The following SMYD3 variants were observed in gnomAD, a reference collection of about 807,000 sequenced individuals.
SMYD3 encodes SET and MYND domain containing 3, also known as histone-lysine N-methyltransferase SMYD3.
In SMYD3, 36 loss-of-function variants were observed where a neutral mutation model predicts 57.7. That is an observed-to-expected ratio of 0.62 (90% confidence interval 0.48 to 0.82). The LOEUF is 0.82. Among genes scored for constraint, SMYD3 ranks in the 40% least tolerant of loss-of-function variants. SMYD3 has a pLI of 0.00. For synonymous variants in SMYD3, 211 were observed against 195.0 expected (o/e 1.08, Z -0.68); for missense variants, 515 against 538.8 (o/e 0.96, Z 0.44).
intron 5 of SMYD3, among the ~76,000 whole-genome samples, chr1:246,017,831 C>T (rs1168963503): frequency 6.6e-6 from 1 of 152,124 alleles, no homozygotes; most frequent in Non-Finnish European, 1.5e-5. Flanking sequence ...CTATTTTATT[C>T]AGTGAGTTAT....
intron 10 of SMYD3, among the ~76,000 whole-genome samples, chr1:245,825,377 C>G (rs528582992): frequency 1.8e-4 from 27 of 152,202 alleles, no homozygotes; most frequent in Non-Finnish European, 3.2e-4. Context: ...CTAGAGGAAA[C>G]TACTACGGGG....
At chr1:246,176,224 C>A (rs1283216715) in intron 5 of SMYD3, among the ~76,000 whole-genome samples, 2 of 152,064 alleles carry the variant, frequency 1.3e-5, no homozygotes, top group Non-Finnish European at 2.9e-5. Context: ...ACTGTGGAGT[C>A]CCAAAATCAG....
At chr1:245,983,998 CTT>C (rs534310953) in intron 5 of SMYD3, among the ~76,000 whole-genome samples, 55 of 134,360 alleles carry the variant, frequency 4.1e-4, no homozygotes, top group Admixed American at 3.8e-4. Context: ...CAAGTCTACT[CTT>C]TTTTTTTTTT....
chr1:246,036,428 TA>T (rs1194943496), intron 5 of SMYD3, among the ~76,000 whole-genome samples: 1 of 152,214 alleles, frequency 6.6e-6, no homozygotes, highest in Non-Finnish European at 1.5e-5. Context: ...CTTGGGATGT[TA>T]TTTTATACAT....
chr1:246,215,557 G>C (rs2063151559), intron 5 of SMYD3, among the ~76,000 whole-genome samples: 1 of 152,100 alleles, frequency 6.6e-6, no homozygotes, highest in Non-Finnish European at 1.5e-5. Flanking sequence ...GTAACATTAA[G>C]TTAGCTTTGC....
At position 246,141,645 on chromosome 1, in the gene SMYD3, A is replaced by G. The variant is rs111623504; in HGVS notation, c.531+185556T>C. On this transcript the variant is annotated intron_variant, in intron 5 of 11. Transcript: ENST00000490107. ...ACCACAGCCCCCCTGAATGTACTCA[A>G]AATTCTGCAGTAAATGACTAACATG... Among the ~76,000 whole-genome samples, 915 of 152,312 alleles carry G rather than the reference A, an allele frequency of 6.0e-3. 13 individuals are homozygous for G. Among genetic ancestry groups the G allele is most frequent in the African/African-American group, 0.021 (874 of 41,572 alleles).
intron 5 of SMYD3, among the ~76,000 whole-genome samples, chr1:245,965,138 T>A (rs1323668761): frequency 1.3e-5 from 2 of 152,222 alleles, no homozygotes; most frequent in Non-Finnish European, 2.9e-5. Flanking sequence ...TGTTTTCTTA[T>A]TCTTAATTGA....
intron 5 of SMYD3, among the ~76,000 whole-genome samples, chr1:246,303,208 C>G (rs2064922982): frequency 6.6e-6 from 1 of 152,154 alleles, no homozygotes; most frequent in African/African-American, 2.4e-5. Flanking sequence ...ATAATAGTGC[C>G]TGCTTCACAG....
intron 1 of SMYD3, among the ~76,000 whole-genome samples, chr1:246,425,337 C>G (rs2067203134): frequency 2.0e-5 from 3 of 152,200 alleles, no homozygotes; most frequent in African/African-American, 7.2e-5. Flanking sequence ...ACCTAGATAA[C>G]AAAGACCACA....
chr1:246,279,445 C>T (rs529710067), intron 5 of SMYD3, among the ~76,000 whole-genome samples: 21 of 152,162 alleles, frequency 1.4e-4, no homozygotes, highest in Admixed American at 5.9e-4. Flanking sequence ...CACTTGAACC[C>T]GGGAGGCGGA....
intron 10 of SMYD3, among the ~76,000 whole-genome samples, chr1:245,835,431 T>C (rs972720847): frequency 2.0e-5 from 3 of 152,198 alleles, no homozygotes; most frequent in Middle Eastern, 3.2e-3. Flanking sequence ...GAGGCAGGTT[T>C]CTTAATTTCT....
At chr1:246,166,448 T>C (rs2062213869) in intron 5 of SMYD3, among the ~76,000 whole-genome samples, 1 of 152,208 alleles carries the variant, frequency 6.6e-6, no homozygotes, top group Admixed American at 6.5e-5. Context: ...CCCTACTCAC[T>C]GTGTGAAAAA....
intron 1 of SMYD3, among the ~76,000 whole-genome samples, chr1:246,394,781 C>G (rs572027915): frequency 6.6e-6 from 1 of 151,688 alleles, no homozygotes; most frequent in Non-Finnish European, 1.5e-5. Flanking sequence ...ATTTGAGAGG[C>G]TCCTGAATTC....
At chr1:246,216,343 A>G (rs896779626) in intron 5 of SMYD3, among the ~76,000 whole-genome samples, 1 of 152,010 alleles carries the variant, frequency 6.6e-6, no homozygotes, top group African/African-American at 2.4e-5. Context: ...AATAAAATAC[A>G]TCTCCATATT....
rs148453549 is a variant in SMYD3 at position 245,958,605 on chromosome 1, A to C, written c.532-28668T>G. Reference sequence around the variant, plus strand: ...GTTCTCCTCCTCCGTAGCAAAGTACATACCCCTAACAATACCACTTACCCC... The same window carrying C: ...GTTCTCCTCCTCCGTAGCAAAGTACCTACCCCTAACAATACCACTTACCCC... On this transcript the variant is annotated intron_variant, in intron 5 of 11. Coordinates refer to ENST00000490107, the MANE Select transcript of SMYD3 (RefSeq NM_001167740.2). Among the ~76,000 whole-genome samples the C allele has an allele frequency of 3.0e-4, 46 of 152,298 alleles. No individual in the cohort carries two copies. In the East Asian group the frequency reaches 5.6e-3, roughly 19 times the overall value.
chr1:245,855,018 T>G (rs2051167454), intron 10 of SMYD3, among the ~76,000 whole-genome samples: 1 of 152,182 alleles, frequency 6.6e-6, no homozygotes, highest in African/African-American at 2.4e-5. Context: ...CACGGAACAT[T>G]TCCAGAAGGA....
At chr1:246,121,227 A>G (rs568726903) in intron 5 of SMYD3, among the ~76,000 whole-genome samples, 3 of 54,266 alleles carry the variant, frequency 5.5e-5, no homozygotes, top group Admixed American at 2.6e-4. Context: ...CTCTTGCTCT[A>G]TGAGTATTTT....
At chr1:245,981,379 C>G (rs1056009940) in intron 5 of SMYD3, among the ~76,000 whole-genome samples, 1 of 152,202 alleles carries the variant, frequency 6.6e-6, no homozygotes, top group African/African-American at 2.4e-5. Context: ...GCTGCACAGA[C>G]AACCAGGACA....
chr1:246,298,545 G>C (rs1558385675), intron 5 of SMYD3, among the ~76,000 whole-genome samples: 1 of 152,032 alleles, frequency 6.6e-6, no homozygotes, highest in Non-Finnish European at 1.5e-5. Flanking sequence ...AAATATCAGA[G>C]ACAAGATGGA....
Sources: allele counts gnomAD v4.1 joint callset (sites outside exome capture counted in the v4.1 genomes callset), GRCh38; gene constraint gnomAD v4.1.1; transcripts MANE v1.5; gene names NCBI Gene and HGNC (gene_info 2026-07-23, HGNC 2026-07-21).